Variants in DBT observed in about 807,000 individuals in gnomAD.
The protein encoded by DBT is lipoamide acyltransferase component of branched-chain alpha-keto acid dehydrogenase complex, mitochondrial.
Under a neutral mutation model 51.3 loss-of-function variants are expected in DBT, and 40 were observed. That is an observed-to-expected ratio of 0.78 (90% CI 0.61 to 1.02). DBT has a LOEUF of 1.02. DBT is among the 50% of genes least tolerant of loss of function. DBT has a pLI of 0.00. For synonymous variants in DBT, 181 were observed against 190.4 expected, an observed-to-expected ratio of 0.95 and a Z score of 0.41; for missense variants, 510 against 580.2, an observed-to-expected ratio of 0.88 and a Z score of 1.24.
intron 1 of DBT, among the ~76,000 whole-genome samples, chr1:100,247,971 G>A (rs1027195187): frequency 2.0e-5 from 3 of 151,876 alleles, no homozygotes; most frequent in Admixed American, 6.6e-5. Context: ...GCATGGTGGC[G>A]TGTGCCTGTA....
At chr1:100,225,083 A>T (rs1663110530) in intron 4 of DBT, among the ~76,000 whole-genome samples, 1 of 145,704 alleles carries the variant, frequency 6.9e-6, no homozygotes, top group Non-Finnish European at 1.5e-5. Flanking sequence ...ACACACACAC[A>T]CACACACACA....
At chr1:100,248,102 A>C (rs1026281445) in intron 1 of DBT, among the ~76,000 whole-genome samples, 48 of 123,470 alleles carry the variant, frequency 3.9e-4, no homozygotes, top group African/African-American at 1.3e-3. Flanking sequence ...ACTCCATTTC[A>C]AAAAAAAAAA....
intron 8 of DBT, among the ~76,000 whole-genome samples, chr1:100,210,272 C>G (rs1315983909): frequency 6.6e-6 from 1 of 150,588 alleles, no homozygotes; most frequent in Non-Finnish European, 1.5e-5. Context: ...AATCACAACA[C>G]TGCATTCCAA....
intron 1 of DBT, chr1:100,249,370 T>C: frequency 2.9e-6 from 1 of 342,844 alleles, no homozygotes; most frequent in African/African-American, 2.1e-5. Context: ...CTCTACACAC[T>C]GTAGATTCCT....
At chr1:100,221,854 G>A (rs146734828) in intron 4 of DBT, among the ~76,000 whole-genome samples, 1 of 152,234 alleles carries the variant, frequency 6.6e-6, no homozygotes, top group East Asian at 1.9e-4. Flanking sequence ...TGATAAAACT[G>A]TGAAACTGCA....
At chr1:100,222,200 A>G (rs1662889355) in intron 4 of DBT, among the ~76,000 whole-genome samples, 1 of 152,228 alleles carries the variant, frequency 6.6e-6, no homozygotes. Flanking sequence ...GAACCATGCA[A>G]TTTATGTTAC....
chr1:100,235,918 T>C (rs1663834629), intron 2 of DBT, among the ~76,000 whole-genome samples: 1 of 152,244 alleles, frequency 6.6e-6, no homozygotes, highest in Admixed American at 6.5e-5. Context: ...CAGATTTCTT[T>C]TGAATTTATA....
chr1:100,237,819 A>G lies in DBT; in HGVS notation c.176-2308T>C, dbSNP rs116327525. ...CCCAAGTAATTAAAAAAAATTTTTTATAGAGGTGAGGTCTCACTTTTCTGT... is the reference window on the plus strand; with the variant it reads ...CCCAAGTAATTAAAAAAAATTTTTTGTAGAGGTGAGGTCTCACTTTTCTGT... On this transcript the variant is annotated intron_variant, in intron 2 of 10. Transcript: ENST00000370132. Among the ~76,000 whole-genome samples, 498 of 152,080 alleles carry G rather than the reference A, an allele frequency of 3.3e-3. 4 individuals carry two copies. The highest frequency in any genetic ancestry group is 0.011 in the African/African-American group (463 of 41,484).
chr1:100,237,353 C>A, intron 2 of DBT, among the ~76,000 whole-genome samples: 1 of 152,236 alleles, frequency 6.6e-6, no homozygotes, highest in South Asian at 2.1e-4. Context: ...GGAGCCTGGG[C>A]GTAACCAGCA....
At chr1:100,232,985 T>C (rs993871936) in intron 3 of DBT, among the ~76,000 whole-genome samples, 1 of 152,072 alleles carries the variant, frequency 6.6e-6, no homozygotes, top group Non-Finnish European at 1.5e-5. Flanking sequence ...AAAGTTTACA[T>C]ACTCCAATAA....
intron 4 of DBT, among the ~76,000 whole-genome samples, chr1:100,221,051 T>G (rs1035882768): frequency 3.3e-5 from 5 of 152,208 alleles, no homozygotes; most frequent in African/African-American, 4.8e-5. Context: ...CTGAAGAGAA[T>G]GTATAAATAT....
intron 1 of DBT, among the ~76,000 whole-genome samples, chr1:100,246,595 A>C (rs1664555828): frequency 6.6e-6 from 1 of 152,242 alleles, no homozygotes; most frequent in South Asian, 2.1e-4. Flanking sequence ...CTATTTTAAT[A>C]ATTTACTACG....
At chr1:100,240,713 G>A (rs966194123) in intron 2 of DBT, 48 bp downstream of exon 2, 3 of 1,460,240 alleles carry the variant, frequency 2.1e-6, no homozygotes, top group African/African-American at 2.8e-5. Flanking sequence ...ATTACTGAAT[G>A]AGGTACAAAA....
intron 5 of DBT, among the ~76,000 whole-genome samples, chr1:100,217,125 G>A (rs1175497416): frequency 6.6e-6 from 1 of 152,052 alleles, no homozygotes; most frequent in African/African-American, 2.4e-5. Flanking sequence ...GAAAAAAGAT[G>A]ATTTCTGATA....
At chr1:100,201,605 G>C (rs1298183071) in intron 10 of DBT, among the ~76,000 whole-genome samples, 1 of 152,130 alleles carries the variant, frequency 6.6e-6, no homozygotes, top group African/African-American at 2.4e-5. Flanking sequence ...ATAATTGTCA[G>C]ATTCACCAAG....
chr1:100,235,825 G>A (rs1050349851), intron 2 of DBT, among the ~76,000 whole-genome samples: 5 of 152,128 alleles, frequency 3.3e-5, no homozygotes, highest in Non-Finnish European at 4.4e-5. Flanking sequence ...ACAATGTAAT[G>A]AATAGAAAAT....
At chr1:100,218,336 T>C (rs1662616748) in intron 5 of DBT, among the ~76,000 whole-genome samples, 1 of 152,178 alleles carries the variant, frequency 6.6e-6, no homozygotes, top group Non-Finnish European at 1.5e-5. Flanking sequence ...CTAGAGCACC[T>C]GACATAAGAC....
rs1380885544 is a variant in DBT at position 100,195,991 on chromosome 1, A to C, written c.*264T>G. ...AATTTTGTTAATCTTGCCAGTTTCA[A>C]GCCATTGACACAAAAACATCAGCAC... On this transcript the variant is annotated 3_prime_UTR_variant, in exon 11 of 11. Coordinates refer to ENST00000370132, the MANE Select transcript of DBT (RefSeq NM_001918.5). 5 of 483,710 alleles carry C rather than the reference A, an allele frequency of 1.0e-5. No individual in the cohort carries two copies. Among genetic ancestry groups the C allele is most frequent in the Non-Finnish European group, 1.9e-5 (5 of 267,512 alleles). The allele number at this position is 483,710 out of a possible 1,614,324, so 30.0% of individuals were successfully genotyped here. A position where few individuals can be genotyped will look rare whatever the true frequency, so the allele number is the denominator to read the frequency against.
intron 8 of DBT, among the ~76,000 whole-genome samples, chr1:100,209,175 G>A (rs1220549580): frequency 6.7e-6 from 1 of 149,844 alleles, no homozygotes; most frequent in Non-Finnish European, 1.5e-5. Flanking sequence ...ACAACTCACT[G>A]CAACCTCCAT....
Sources: allele counts gnomAD v4.1 joint callset (sites outside exome capture counted in the v4.1 genomes callset), GRCh38; gene constraint gnomAD v4.1.1; transcripts MANE v1.5; gene names NCBI Gene and HGNC (gene_info 2026-07-23, HGNC 2026-07-21).